ANKRD6: variants seen among roughly 807,000 people sequenced by gnomAD.
The protein encoded by ANKRD6 is ankyrin repeat domain-containing protein 6.
A neutral mutation model predicts 82.3 loss-of-function variants in ANKRD6; 56 were observed. The observed-to-expected ratio is 0.68, with a 90% confidence interval of 0.55 to 0.85. The LOEUF is 0.85. Among genes scored for constraint, ANKRD6 ranks in the 40% least tolerant of loss-of-function variants. The probability of loss-of-function intolerance (pLI) is 0.00; values close to 1 mark genes in which losing one functional copy is unlikely to be tolerated. For synonymous variants in ANKRD6, 347 were observed against 352.1 expected (o/e 0.99, Z 0.16); for missense variants, 852 against 907.6 (o/e 0.94, Z 0.79).
chr6:89,572,825 A>G (rs575903354), intron 2 of ANKRD6, among the ~76,000 whole-genome samples: 5 of 152,346 alleles, frequency 3.3e-5, no homozygotes, highest in Admixed American at 2.6e-4. Context: ...TCATTTGACC[A>G]TATACATGAA....
chr6:89,471,927 G>A (rs1199563890), intron 1 of ANKRD6, among the ~76,000 whole-genome samples: 1 of 85,642 alleles, frequency 1.2e-5, no homozygotes, highest in African/African-American at 4.6e-5. Flanking sequence ...CAACAAGAGC[G>A]AAACTCCATC....
chr6:89,514,224 A>G (rs903838329), intron 1 of ANKRD6, among the ~76,000 whole-genome samples: 10 of 152,194 alleles, frequency 6.6e-5, no homozygotes, highest in African/African-American at 1.4e-4. Context: ...TAAAAATACA[A>G]AAAATTAGCC....
intron 2 of ANKRD6, among the ~76,000 whole-genome samples, chr6:89,588,497 A>G (rs1244135852): frequency 2.0e-5 from 3 of 152,262 alleles, no homozygotes; most frequent in Non-Finnish European, 2.9e-5. Context: ...TTTAACCTAA[A>G]TTCTTCCCAT....
At chr6:89,498,106 CAATT>C (rs1217629248) in intron 1 of ANKRD6, among the ~76,000 whole-genome samples, 1 of 152,160 alleles carries the variant, frequency 6.6e-6, no homozygotes, top group Non-Finnish European at 1.5e-5. Flanking sequence ...GCAAATTTCA[CAATT>C]AGACTAGTGT....
At chr6:89,465,286 A>AT (rs1404948927) in intron 1 of ANKRD6, among the ~76,000 whole-genome samples, 5 of 151,596 alleles carry the variant, frequency 3.3e-5, no homozygotes, top group Admixed American at 2.0e-4. Flanking sequence ...AGCCTGGCTA[A>AT]TTTTTTGTAT....
intron 1 of ANKRD6, among the ~76,000 whole-genome samples, chr6:89,459,383 T>A (rs1242176136): frequency 6.6e-6 from 1 of 152,184 alleles, no homozygotes; most frequent in East Asian, 1.9e-4. Context: ...TGGCTGAACA[T>A]ATCTTTAAAT....
At chr6:89,446,335 AGGGC>A (rs1772085960) in intron 1 of ANKRD6, among the ~76,000 whole-genome samples, 1 of 152,128 alleles carries the variant, frequency 6.6e-6, no homozygotes, top group South Asian at 2.1e-4. Context: ...CTGGGCAACA[AGGGC>A]GAAACTTTGT....
chr6:89,529,259 A>G (rs1353623239), intron 1 of ANKRD6, among the ~76,000 whole-genome samples: 3 of 152,258 alleles, frequency 2.0e-5, no homozygotes. Context: ...CTCTTCTTAG[A>G]TAACTTACTG....
At chr6:89,520,183 C>T (rs1441107842) in intron 1 of ANKRD6, among the ~76,000 whole-genome samples, 2 of 152,198 alleles carry the variant, frequency 1.3e-5, no homozygotes, top group Non-Finnish European at 2.9e-5. Flanking sequence ...TGGGATCTCA[C>T]CATGTTGCCC....
At chr6:89,460,447 G>GT (rs927436718) in intron 1 of ANKRD6, among the ~76,000 whole-genome samples, 114 of 150,834 alleles carry the variant, frequency 7.6e-4, no homozygotes, top group Middle Eastern at 6.8e-3. Flanking sequence ...TTTGTTTTTT[G>GT]TTTTTTTTGA....
rs961775933 is a variant in ANKRD6, at chr6:89,494,762, C to T, written c.-144+61387C>T. On this transcript the variant is annotated intron_variant, in intron 1 of 15. Coordinates refer to ENST00000339746, the MANE Select transcript of ANKRD6 (RefSeq NM_001242809.2). ...TGCTTTCCAGCCCCCTGGAAAGTGG[C>T]GCCTACTTCTGCCTGAAGATTATTG... Among the ~76,000 whole-genome samples the T allele has an allele frequency of 7.2e-5, 11 of 152,244 alleles. No individual in the cohort carries two copies. The East Asian group carries it at 7.7e-4, about 11-fold the overall frequency.
chr6:89,578,824 C>T (rs1791772949), intron 2 of ANKRD6, among the ~76,000 whole-genome samples: 2 of 152,136 alleles, frequency 1.3e-5, no homozygotes. Context: ...CAGAAAGTAA[C>T]TTGCCCATGA....
At chr6:89,591,609 A>G (rs1394627281) in intron 2 of ANKRD6, among the ~76,000 whole-genome samples, 1 of 152,206 alleles carries the variant, frequency 6.6e-6, no homozygotes, top group African/African-American at 2.4e-5. Context: ...GCCTGGGGGC[A>G]TTCCTATGTG....
intron 9 of ANKRD6, 130 bp downstream of exon 9, chr6:89,618,161 T>C (rs1000813504): frequency 1.0e-6 from 1 of 993,984 alleles, no homozygotes; most frequent in Non-Finnish European, 1.6e-6. Flanking sequence ...AGTGGAGGTA[T>C]AGGCATGCAT....
intron 1 of ANKRD6, among the ~76,000 whole-genome samples, chr6:89,484,297 G>A (rs774446433): frequency 2.6e-5 from 4 of 152,134 alleles, no homozygotes; most frequent in Non-Finnish European, 4.4e-5. Context: ...TACGTGATGC[G>A]CTTACCACAG....
intron 1 of ANKRD6, among the ~76,000 whole-genome samples, chr6:89,552,558 G>T (rs955141686): frequency 3.3e-5 from 5 of 152,214 alleles, no homozygotes; most frequent in African/African-American, 1.2e-4. Context: ...AAGAGACAGA[G>T]GAAGGAGTAG....
intron 1 of ANKRD6, among the ~76,000 whole-genome samples, chr6:89,485,347 A>G (rs1456897364): frequency 6.6e-6 from 1 of 152,218 alleles, no homozygotes; most frequent in African/African-American, 2.4e-5. Flanking sequence ...GGCTGTGGCA[A>G]CTCAGATTCA....
At chr6:89,537,018 C>T (rs9344943) in intron 1 of ANKRD6, among the ~76,000 whole-genome samples, 75,615 of 151,768 alleles carry the variant, frequency 0.5, 19,602 homozygotes, top group South Asian at 0.72. Context: ...GTAGTAGTTA[C>T]GATACTTGTA....
chr6:89,631,329 TAAAATTCA>T lies in ANKRD6; in HGVS notation c.*327_*334del, dbSNP rs1021795811. 2.2e-4 allele frequency: 45 copies of T among 203,906 alleles called. No individual in the cohort carries two copies. The highest frequency in any genetic ancestry group is 4.0e-4 in the Non-Finnish European group (41 of 102,404). The allele number at this position is 203,906 out of a possible 1,614,324, so 12.6% of individuals were successfully genotyped here. On this transcript the variant is annotated 3_prime_UTR_variant, in exon 16 of 16. Transcript: ENST00000339746. ...CTGGACGATGTGTAAGCCTAGACTC[TAAAATTCA>T]AGATGTGTGAAATAATATAAGTCAA...
Sources: gnomAD v4.1 joint callset for allele counts (sites outside exome capture counted in the v4.1 genomes callset) on GRCh38, gnomAD v4.1.1 for gene constraint, MANE v1.5 for transcripts, NCBI Gene and HGNC (gene_info 2026-07-23, HGNC 2026-07-21) for gene names.